VRK2: variants seen among roughly 807,000 people sequenced by gnomAD.
The protein encoded by VRK2 is serine/threonine-protein kinase VRK2.
A neutral mutation model predicts 57.6 loss-of-function variants in VRK2; 60 were observed. The ratio of observed to expected loss-of-function variants is 1.04; its 90% CI spans 0.85 to 1.29. VRK2 has a LOEUF of 1.29. Among genes scored for constraint, VRK2 ranks in the 50% most tolerant of loss-of-function variants. The pLI, the probability that VRK2 is intolerant of heterozygous loss-of-function variation, is 0.00. For missense variants in VRK2, 705 were observed against 588.1 expected, an observed-to-expected ratio of 1.20 and a Z score of -2.06; for synonymous variants, 231 against 199.2, an observed-to-expected ratio of 1.16 and a Z score of -1.35.
chr2:58,060,265 A>G (rs965888449), intron 2 of VRK2, among the ~76,000 whole-genome samples: 2 of 151,912 alleles, frequency 1.3e-5, no homozygotes, highest in Middle Eastern at 3.2e-3. Flanking sequence ...AATAATCAGA[A>G]TGTCTACTCT....
Position 58,082,846 on chromosome 2 carries a change from G to A in VRK2, c.137-1243G>A, listed in dbSNP as rs1179603969. On this transcript the variant is annotated intron_variant, in intron 2 of 12. Transcript: ENST00000340157. Reference sequence around the variant, plus strand: ...TAATACTTTCTTCAACTGGTTAGTAGCATTACTGATAATTAAAAACTGGAG... The same window carrying A: ...TAATACTTTCTTCAACTGGTTAGTAACATTACTGATAATTAAAAACTGGAG... Among the ~76,000 whole-genome samples, 3 of 151,762 alleles carry A rather than the reference G, an allele frequency of 2.0e-5. No individual in the cohort carries two copies. The South Asian group carries it at 6.2e-4, about 31-fold the overall frequency.
At chr2:57,988,955 C>T (rs1672681618) in intron 1 of VRK2, among the ~76,000 whole-genome samples, 1 of 152,132 alleles carries the variant, frequency 6.6e-6, no homozygotes, top group African/African-American at 2.4e-5. Context: ...CATTCTAGCT[C>T]CTAATTTTTC....
chr2:58,091,172 T>G (rs933535555), intron 7 of VRK2, among the ~76,000 whole-genome samples: 8 of 152,154 alleles, frequency 5.3e-5, no homozygotes, highest in Non-Finnish European at 7.4e-5. Context: ...ATCCATAGAA[T>G]GGACAAGACC....
At chr2:57,916,409 GAA>G (rs34988462) in intron 1 of VRK2, among the ~76,000 whole-genome samples, 3 of 131,700 alleles carry the variant, frequency 2.3e-5, no homozygotes, top group Non-Finnish European at 1.6e-5. Flanking sequence ...TCGTCTCAGA[GAA>G]AAAAAAAAAA....
intron 2 of VRK2, among the ~76,000 whole-genome samples, chr2:58,080,610 G>A (rs1670727354): frequency 1.3e-5 from 2 of 151,688 alleles, no homozygotes; most frequent in South Asian, 4.2e-4. Flanking sequence ...GTTAGACTAA[G>A]TTCATATCTA....
At chr2:57,951,569 A>T (rs1034013913) in intron 1 of VRK2, among the ~76,000 whole-genome samples, 6 of 152,200 alleles carry the variant, frequency 3.9e-5, no homozygotes, top group Non-Finnish European at 7.3e-5. Context: ...ATCTTTAATG[A>T]AAAGAAGAGT....
chr2:58,135,037 C>G, intron 9 of VRK2, 104 bp from the exon 10 acceptor site: 1 of 1,216,144 alleles, frequency 8.2e-7, no homozygotes, highest in Non-Finnish European at 1.2e-6. Flanking sequence ...CATTGAAAGT[C>G]ACAATTTTGG....
At chr2:58,051,372 ATGT>A (rs1675717495) in intron 2 of VRK2, among the ~76,000 whole-genome samples, 1 of 151,364 alleles carries the variant, frequency 6.6e-6, no homozygotes, top group African/African-American at 2.4e-5. Context: ...TGTGTTCCAA[ATGT>A]TGTAACTGTT....
At chr2:58,080,433 A>C (rs1321457605) in intron 2 of VRK2, among the ~76,000 whole-genome samples, 2 of 152,116 alleles carry the variant, frequency 1.3e-5, no homozygotes, top group Admixed American at 1.3e-4. Flanking sequence ...CTGCTTGCCT[A>C]TACATTATGG....
rs546920242 is a variant in VRK2, at chr2:58,158,386, T to G, written c.1183-963T>G. Among the ~76,000 whole-genome samples the G allele has an allele frequency of 2.6e-5, 4 of 152,250 alleles. No homozygotes were observed. In the South Asian group the frequency reaches 8.3e-4, roughly 32 times the overall value. On this transcript the variant is annotated intron_variant, in intron 12 of 12. Coordinates refer to ENST00000340157, the MANE Select transcript of VRK2 (RefSeq NM_006296.7). ...AAGTAATTTTTTTTCATAGGAAAGC[T>G]AGTAGTTTTTAAAACATCCTTTGTT...
At chr2:58,144,598 T>C (rs1336455723) in intron 11 of VRK2, among the ~76,000 whole-genome samples, 5 of 152,010 alleles carry the variant, frequency 3.3e-5, no homozygotes, top group African/African-American at 1.2e-4. Flanking sequence ...GGTAAGCCAA[T>C]GTTTTAATAG....
rs60379025 is a variant in VRK2, at chr2:58,151,731, G to GTTTTT, written c.1182+5289_1182+5293dup. ...TTTTTTTAACTATGCTTCTATGCTTGTTTTTTTTTTTTTTTTTTTTTTTTT... is the reference window on the plus strand; with the variant it reads ...TTTTTTTAACTATGCTTCTATGCTTGTTTTTTTTTTTTTTTTTTTTTTTTTTTTTT... On this transcript the variant is annotated intron_variant, in intron 12 of 12. Coordinates refer to ENST00000340157, the MANE Select transcript of VRK2 (RefSeq NM_006296.7). Among the ~76,000 whole-genome samples the GTTTTT allele has an allele frequency of 3.0e-4, 5 of 16,722 alleles. 2 individuals carry two copies. Among genetic ancestry groups the GTTTTT allele is most frequent in the Non-Finnish European group, 4.5e-4 (3 of 6,626 alleles). 11.0% of individuals were successfully genotyped at this position (16,722 alleles called of 152,430 possible).
intron 12 of VRK2, among the ~76,000 whole-genome samples, chr2:58,154,463 A>ATT (rs1683490400): frequency 6.6e-6 from 1 of 151,778 alleles, no homozygotes. Flanking sequence ...CATACTTGTC[A>ATT]TTTCTTTTTA....
intron 2 of VRK2, among the ~76,000 whole-genome samples, chr2:58,059,594 TACC>T (rs1677033404): frequency 6.6e-6 from 1 of 151,880 alleles, no homozygotes; most frequent in Admixed American, 6.6e-5. Context: ...TTGTTTCAGA[TACC>T]ACTATATTTT....
intron 1 of VRK2, among the ~76,000 whole-genome samples, chr2:58,001,790 C>G (rs993285757): frequency 1.3e-5 from 2 of 152,080 alleles, no homozygotes; most frequent in Non-Finnish European, 2.9e-5. Context: ...CCACTGCACT[C>G]CAGCCTGGGC....
At chr2:57,921,544 T>C (rs939724345) in intron 1 of VRK2, among the ~76,000 whole-genome samples, 2 of 152,006 alleles carry the variant, frequency 1.3e-5, no homozygotes, top group Non-Finnish European at 2.9e-5. Context: ...AAAGGTTAAT[T>C]ATATAATAAT....
At chr2:58,020,215 C>T (rs142436255) in intron 1 of VRK2, among the ~76,000 whole-genome samples, 1 of 152,196 alleles carries the variant, frequency 6.6e-6, no homozygotes, top group East Asian at 1.9e-4. Flanking sequence ...CCAAGATAAA[C>T]TGTTTTGTTT....
intron 1 of VRK2, among the ~76,000 whole-genome samples, chr2:57,980,142 A>C (rs1672377154): frequency 6.6e-6 from 1 of 151,872 alleles, no homozygotes; most frequent in Non-Finnish European, 1.5e-5. Flanking sequence ...TTAATTTGAG[A>C]CCTTTCTAAC....
intron 5 of VRK2, among the ~76,000 whole-genome samples, chr2:58,086,977 A>G (rs1190054226): frequency 1.3e-5 from 2 of 152,198 alleles, no homozygotes; most frequent in Non-Finnish European, 2.9e-5. Flanking sequence ...AGATAGATCC[A>G]TTGGTCCTGA....
Sources: allele counts gnomAD v4.1 joint callset (sites outside exome capture counted in the v4.1 genomes callset), GRCh38; gene constraint gnomAD v4.1.1; transcripts MANE v1.5; gene names NCBI Gene and HGNC (gene_info 2026-07-23, HGNC 2026-07-21).